The following SYNPO variants were observed in gnomAD, a reference collection of about 807,000 sequenced individuals.
The protein encoded by SYNPO is synaptopodin.
A neutral mutation model predicts 49.5 loss-of-function variants in SYNPO; 19 were observed. The ratio of observed to expected loss-of-function variants is 0.38; its 90% CI spans 0.27 to 0.56. The LOEUF (loss-of-function observed/expected upper bound fraction) is 0.56, where lower values mean the gene tolerates loss of function less well. SYNPO is among the 20% of genes least tolerant of loss of function. The pLI is 0.68. For missense variants in SYNPO, 1,131 were observed against 1,248.3 expected (o/e 0.91, Z 1.42); for synonymous variants, 536 against 548.0 (o/e 0.98, Z 0.31).
intron 1 of SYNPO, among the ~76,000 whole-genome samples, chr5:150,613,349 G>A (rs924293381): frequency 6.6e-5 from 10 of 152,100 alleles, no homozygotes; most frequent in African/African-American, 2.4e-4. Context: ...CATCTTCTCA[G>A]CCCTTCCATA....
chr5:150,596,739 G>C (rs1197681757), upstream of SYNPO, among the ~76,000 whole-genome samples: 1 of 152,168 alleles, frequency 6.6e-6, no homozygotes, highest in Admixed American at 6.5e-5. Flanking sequence ...CTGGTGAGCA[G>C]TGTCTCCTGC....
At chr5:150,598,810 G>A (rs1270101863), upstream of SYNPO, among the ~76,000 whole-genome samples, 2 of 152,144 alleles carry the variant, frequency 1.3e-5, no homozygotes, top group East Asian at 3.9e-4. Flanking sequence ...GGAAGGCAGG[G>A]GCCGCTGATG....
intron 1 of SYNPO, among the ~76,000 whole-genome samples, chr5:150,609,664 A>T (rs777154420): frequency 3.3e-5 from 5 of 152,202 alleles, no homozygotes; most frequent in African/African-American, 9.7e-5. Flanking sequence ...GCCCCAATGT[A>T]TGCAACAGAT....
intron 1 of SYNPO, among the ~76,000 whole-genome samples, chr5:150,610,424 G>A (rs1756815288): frequency 6.6e-6 from 1 of 152,152 alleles, no homozygotes; most frequent in Non-Finnish European, 1.5e-5. Context: ...TCCTGCTCTG[G>A]GATCATGGGC....
chr5:150,648,745 T>A lies in SYNPO; in HGVS notation c.470T>A (p.Ile157Asn), dbSNP rs750474276. Residue 157 changes from isoleucine (I) to asparagine (N), a missense_variant, in exon 2 of 3, where the codon ATT (isoleucine) becomes AAT (asparagine). Coordinates refer to ENST00000307662, the MANE Select transcript of SYNPO (RefSeq NM_007286.6). This position sits in a 1 kb window ranked among gnomAD's most constrained non-coding sequence, Gnocchi z 5.0. ...AEEVRCSTLL[I>N]DKVSTPATTT... ...GAGGTGAGATGCAGCACACTCCTAA[T>A]TGACAAGGTATCAACTCCAGCTACC... 1 of 1,614,032 alleles carries A rather than the reference T, an allele frequency of 6.2e-7. No homozygotes were observed. Among genetic ancestry groups the A allele is most frequent in the East Asian group, 2.2e-5 (1 of 44,894 alleles).
exon 2 of SYNPO, chr5:150,618,721 A>C: frequency 6.4e-7 from 1 of 1,551,154 alleles, no homozygotes; most frequent in Middle Eastern, 1.7e-4. Flanking sequence ...AGATGATGAC[A>C]GCCAGCCCCA....
At position 150,657,052 on chromosome 5, in the gene SYNPO, G is replaced by C. The variant is rs1334028588; in HGVS notation, c.2677G>C (p.Gly893Arg). 1.9e-6 allele frequency: 3 copies of C among 1,598,970 alleles called. No homozygotes were observed. The highest frequency in any genetic ancestry group is 2.3e-5 in the South Asian group (2 of 88,754). Reference protein sequence around the residue: ...GWNGSLRLKRGSLPAEASCTT With the variant: ...GWNGSLRLKRRSLPAEASCTT Reference sequence around the variant, plus strand: ...GAATGGCAGCCTTCGGCTCAAGCGTGGCAGCCTCCCCGCCGAGGCCTCCTG... The same window carrying C: ...GAATGGCAGCCTTCGGCTCAAGCGTCGCAGCCTCCCCGCCGAGGCCTCCTG... The change falls in exon 3 of 3, where the codon GGC becomes CGC. Residue 893 changes from glycine to arginine, a missense_variant. Gly to Arg is a moderately radical substitution (Grantham distance 125). This residue lies in a region of SYNPO where 509 missense variants were observed against 484.5 expected (regional missense o/e 1.05). Transcript: ENST00000307662.
the SYNPO span, among the ~76,000 whole-genome samples, chr5:150,588,402 C>T: frequency 6.6e-6 from 1 of 152,204 alleles, no homozygotes; most frequent in African/African-American, 2.4e-5. Context: ...GCCTCTGAAG[C>T]TGGGGGTGTG....
rs1758586655 is a variant in SYNPO at position 150,656,847 on chromosome 5, G to A, written c.2472G>A (p.Pro824=). The A allele has an allele frequency of 6.7e-7, 1 of 1,499,810 alleles. No homozygotes were observed. The highest frequency in any genetic ancestry group is 8.9e-7 in the Non-Finnish European group (1 of 1,119,592). The allele number at this position is 1,499,810 out of a possible 1,614,324, so 92.9% of individuals were successfully genotyped here. ...AVPGAAFAPI[P]RSPLPAGPSS... ...CGGGGGCAGCCTTCGCGCCCATCCC[G>A]CGGAGCCCGTTGCCCGCCGGTCCTT... The change falls in exon 3 of 3, where the codon CCG becomes CCA. Residue 824 remains proline, a synonymous_variant. Coordinates refer to ENST00000307662, the MANE Select transcript of SYNPO (RefSeq NM_007286.6).
chr5:150,647,900 A>G, intron 1 of SYNPO, 44 bp from the exon 2 acceptor site: 1 of 1,519,672 alleles, frequency 6.6e-7, no homozygotes, highest in Non-Finnish European at 8.9e-7. Flanking sequence ...CCCCTGTGTC[A>G]CTGCATTCCT....
the SYNPO span, among the ~76,000 whole-genome samples, chr5:150,590,263 T>C: frequency 2.0e-5 from 3 of 152,176 alleles, no homozygotes; most frequent in African/African-American, 4.8e-5. Context: ...CCCATGCCTC[T>C]CCCCTACGTG....
intron 2 of SYNPO, among the ~76,000 whole-genome samples, chr5:150,628,455 A>G (rs1370704505): frequency 6.6e-6 from 1 of 152,214 alleles, no homozygotes; most frequent in East Asian, 1.9e-4. Flanking sequence ...GGGAGATCTT[A>G]ACTATGTTAT....
In SYNPO at chr5:150,657,196, C is replaced by T; in HGVS notation, c.*109C>T. On this transcript the variant is annotated 3_prime_UTR_variant, in exon 3 of 3. Transcript: ENST00000307662. ...TTGGGCAGCCCCAGAGATGAGGGGT[C>T]AGCAGAGGAGAGCTCTGGGGTTGGG... 9 of 1,241,744 alleles carry T rather than the reference C, an allele frequency of 7.2e-6. No homozygotes were observed. The highest frequency in any genetic ancestry group is 2.5e-5 in the Admixed American group (1 of 40,602). 76.9% of individuals were successfully genotyped at this position (1,241,744 alleles called of 1,614,324 possible). A position where few individuals can be genotyped will look rare whatever the true frequency, so the allele number is the denominator to read the frequency against.
rs531240444 is a variant in SYNPO, at chr5:150,602,043, G to A, written c.-266+855G>A. Reference sequence around the variant, plus strand: ...GGGACAGCTTCCTTATGGCCATCGGGGAGACAGTGGTGGGCCATCCAGACT... The same window carrying A: ...GGGACAGCTTCCTTATGGCCATCGGAGAGACAGTGGTGGGCCATCCAGACT... On this transcript the variant is annotated intron_variant, in intron 1 of 2. Coordinates refer to the SYNPO transcript ENST00000394243. Among the ~76,000 whole-genome samples, 7 of 152,334 alleles carry A rather than the reference G, an allele frequency of 4.6e-5. No individual in the cohort carries two copies. The East Asian group carries it at 1.3e-3, about 29-fold the overall frequency.
intron 2 of SYNPO, among the ~76,000 whole-genome samples, chr5:150,619,242 G>A (rs996662589): frequency 6.6e-6 from 1 of 152,126 alleles, no homozygotes; most frequent in Non-Finnish European, 1.5e-5. Context: ...GGTAGAGACT[G>A]AAGCCTTTGA....
the SYNPO span, among the ~76,000 whole-genome samples, chr5:150,588,956 T>C: frequency 4.6e-5 from 7 of 152,222 alleles, no homozygotes; most frequent in East Asian, 3.8e-4. Context: ...TGTATGTCTT[T>C]GGAGCAATAT....
At chr5:150,629,761 C>T (rs1757477874) in intron 2 of SYNPO, among the ~76,000 whole-genome samples, 5 of 152,186 alleles carry the variant, frequency 3.3e-5, no homozygotes, top group Admixed American at 1.3e-4. Context: ...AAGTTCTTTA[C>T]GCATCAACAA....
chr5:150,656,099 T>TC, intron 2 of SYNPO, among the ~76,000 whole-genome samples: 1 of 152,226 alleles, frequency 6.6e-6, no homozygotes, highest in Non-Finnish European at 1.5e-5. Context: ...ACACCCCATT[T>TC]TACAGAAGCA....
upstream of SYNPO, among the ~76,000 whole-genome samples, chr5:150,599,683 T>C (rs1756486912): frequency 6.6e-6 from 1 of 152,214 alleles, no homozygotes; most frequent in Non-Finnish European, 1.5e-5. Context: ...AGGCTCTTTC[T>C]GTACTGTGAG....
Sources: allele counts gnomAD v4.1 joint callset (sites outside exome capture counted in the v4.1 genomes callset), GRCh38; gene constraint gnomAD v4.1.1; regional missense constraint gnomAD v4.1.1; non-coding constraint Gnocchi (gnomAD v3.1); transcripts MANE v1.5; gene names NCBI Gene and HGNC (gene_info 2026-07-23, HGNC 2026-07-21).